Variants in RBFOX1 observed in about 807,000 individuals in gnomAD.
RBFOX1 encodes the protein RNA binding fox-1 homolog 1.
RBFOX1 carries 8 observed loss-of-function variants against 57.7 expected under a neutral mutation model. That is an observed-to-expected ratio of 0.14 (90% CI 0.08 to 0.25). The LOEUF (loss-of-function observed/expected upper bound fraction) is 0.25. Ranked by LOEUF, RBFOX1 falls within the 10% of genes least tolerant of loss-of-function variation. RBFOX1 has a pLI of 1.00. For missense variants in RBFOX1, 611 were observed against 548.5 expected (o/e 1.11, Z -1.14); for synonymous variants, 326 against 222.4 (o/e 1.47, Z -4.15).
chr16:6,971,013 A>G (rs1317176428), intron 3 of RBFOX1, among the ~76,000 whole-genome samples: 2 of 152,156 alleles, frequency 1.3e-5, no homozygotes, highest in African/African-American at 4.8e-5. Context: ...GTTTCCTTCA[A>G]CAGATATTTC....
At chr16:6,977,216 T>C (rs1389152046) in intron 3 of RBFOX1, among the ~76,000 whole-genome samples, 1 of 142,570 alleles carries the variant, frequency 7.0e-6, no homozygotes, top group Non-Finnish European at 1.5e-5. Flanking sequence ...TCATATATAT[T>C]ATCATATAAT....
chr16:5,494,958 C>T (rs771970714), intron 2 of RBFOX1, among the ~76,000 whole-genome samples: 6 of 152,112 alleles, frequency 3.9e-5, no homozygotes, highest in African/African-American at 9.7e-5. Flanking sequence ...ACAGCGTGGT[C>T]GCAGGAGAAT....
intron 4 of RBFOX1, among the ~76,000 whole-genome samples, chr16:7,385,038 A>G (rs1375649363): frequency 1.3e-5 from 2 of 152,140 alleles, no homozygotes; most frequent in Non-Finnish European, 2.9e-5. Context: ...CCAGGAAAAT[A>G]CCCTAAGAGG....
intron 3 of RBFOX1, among the ~76,000 whole-genome samples, chr16:7,003,424 TA>T (rs2093012608): frequency 6.7e-6 from 1 of 150,322 alleles, no homozygotes; most frequent in Non-Finnish European, 1.5e-5. Flanking sequence ...TGCGCCACTG[TA>T]CTGCAGCCTG....
intron 5 of RBFOX1, among the ~76,000 whole-genome samples, chr16:7,576,211 A>C (rs2093327031): frequency 6.6e-6 from 1 of 152,050 alleles, no homozygotes; most frequent in South Asian, 2.1e-4. Flanking sequence ...GGCATGAGCC[A>C]CTGCACCTAG....
intron 4 of RBFOX1, among the ~76,000 whole-genome samples, chr16:5,898,226 C>A (rs1287045673): frequency 1.3e-5 from 2 of 152,112 alleles, no homozygotes; most frequent in Admixed American, 1.3e-4. Flanking sequence ...GGTAACTTCC[C>A]CCATGATTAA....
intron 2 of RBFOX1, among the ~76,000 whole-genome samples, chr16:6,617,479 T>A (rs1008936191): frequency 2.6e-5 from 4 of 152,096 alleles, no homozygotes; most frequent in Middle Eastern, 3.4e-3. Context: ...ATGTAATTGA[T>A]TTCAAACTTG....
At chr16:6,232,056 A>G (rs1192178392) in intron 1 of RBFOX1, among the ~76,000 whole-genome samples, 3 of 152,124 alleles carry the variant, frequency 2.0e-5, no homozygotes, top group Non-Finnish European at 4.4e-5. Context: ...GAAATTCATA[A>G]TTTGCCCTAT....
chr16:6,628,703 C>G lies in RBFOX1; in HGVS notation c.-63-25900C>G, dbSNP rs148957594. Among the ~76,000 whole-genome samples the G allele has an allele frequency of 4.3e-3, 657 of 152,118 alleles. 4 individuals carry two copies. Among genetic ancestry groups the G allele is most frequent in the Middle Eastern group, 0.024 (7 of 294 alleles). On this transcript the variant is annotated intron_variant, in intron 2 of 15. Transcript: ENST00000550418. ...TTTATTGATACTGAAATATACAAAC[C>G]TTGAAGGGACCGTTTGATGAGGTTT...
chr16:5,689,553 C>A (rs2050605282), intron 3 of RBFOX1, among the ~76,000 whole-genome samples: 1 of 152,222 alleles, frequency 6.6e-6, no homozygotes, highest in Non-Finnish European at 1.5e-5. Context: ...ATGTGGCACA[C>A]CAGGAAAGAC....
At chr16:6,345,531 G>A (rs1599869319) in intron 2 of RBFOX1, among the ~76,000 whole-genome samples, 1 of 152,020 alleles carries the variant, frequency 6.6e-6, no homozygotes, top group South Asian at 2.1e-4. Flanking sequence ...TATCCGACCT[G>A]GTATGGGAAT....
At chr16:6,932,092 T>C (rs1482985139) in intron 3 of RBFOX1, among the ~76,000 whole-genome samples, 1 of 152,038 alleles carries the variant, frequency 6.6e-6, no homozygotes, top group Non-Finnish European at 1.5e-5. Context: ...GTTTTTGTTG[T>C]TGTTGTTTTT....
chr16:5,286,027 C>T (rs1292465909), intron 1 of RBFOX1, among the ~76,000 whole-genome samples: 1 of 152,160 alleles, frequency 6.6e-6, no homozygotes, highest in Non-Finnish European at 1.5e-5. Context: ...ACATCGGCCT[C>T]CCAAAGTGCT....
intron 1 of RBFOX1, among the ~76,000 whole-genome samples, chr16:6,247,066 A>G (rs1351382016): frequency 6.6e-6 from 1 of 152,186 alleles, no homozygotes; most frequent in African/African-American, 2.4e-5. Context: ...GTGGAACTCC[A>G]TCTCAAACTA....
At chr16:7,665,486 A>C (rs879320098) in intron 13 of RBFOX1, among the ~76,000 whole-genome samples, 3 of 152,156 alleles carry the variant, frequency 2.0e-5, no homozygotes, top group African/African-American at 7.2e-5. Flanking sequence ...ATGTATGTCA[A>C]ATTGAACATT....
intron 4 of RBFOX1, among the ~76,000 whole-genome samples, chr16:5,900,599 C>T (rs925916336): frequency 6.6e-6 from 1 of 152,180 alleles, no homozygotes; most frequent in African/African-American, 2.4e-5. Flanking sequence ...AGTTCCTCAT[C>T]CGTATTCTTC....
chr16:5,781,485 C>T (rs1194893948), intron 3 of RBFOX1, among the ~76,000 whole-genome samples: 1 of 152,172 alleles, frequency 6.6e-6, no homozygotes, highest in Admixed American at 6.5e-5. Context: ...ACCTCAAACA[C>T]CCACACATAT....
intron 2 of RBFOX1, among the ~76,000 whole-genome samples, chr16:6,519,642 A>G (rs949758644): frequency 6.6e-6 from 1 of 152,194 alleles, no homozygotes; most frequent in Admixed American, 6.5e-5. Context: ...TGGAGGTTGC[A>G]GTGAGCTGAG....
chr16:6,071,195 C>G (rs1355551625), intron 1 of RBFOX1, among the ~76,000 whole-genome samples: 1 of 152,066 alleles, frequency 6.6e-6, no homozygotes, highest in Non-Finnish European at 1.5e-5. Context: ...GTGGCACATG[C>G]CTGTAGGACC....
Sources: gnomAD v4.1 joint callset for allele counts (sites outside exome capture counted in the v4.1 genomes callset) on GRCh38, gnomAD v4.1.1 for gene constraint, MANE v1.5 for transcripts, NCBI Gene and HGNC (gene_info 2026-07-23, HGNC 2026-07-21) for gene names.